Variants in BRINP3 observed in about 807,000 individuals in gnomAD.
BRINP3 encodes the protein BMP/retinoic acid-inducible neural-specific protein 3.
BRINP3 carries 19 observed loss-of-function variants against 71.0 expected under a neutral mutation model. The observed-to-expected ratio is 0.27, with a 90% confidence interval of 0.19 to 0.39. The LOEUF is 0.39. Ranked by LOEUF, BRINP3 falls within the 10% of genes least tolerant of loss-of-function variation. The probability of loss-of-function intolerance (pLI) is 1.00; values close to 1 mark genes in which losing one functional copy is unlikely to be tolerated. For missense variants in BRINP3, 959 were observed against 940.8 expected (o/e 1.02, Z -0.25); for synonymous variants, 380 against 337.7 (o/e 1.13, Z -1.37).
chr1:190,446,193 A>G (rs1675209918), intron 2 of BRINP3, among the ~76,000 whole-genome samples: 1 of 152,126 alleles, frequency 6.6e-6, no homozygotes, highest in Non-Finnish European at 1.5e-5. Context: ...AACAAAAATT[A>G]AAACGTATTA....
chr1:190,345,791 G>C (rs896798567), intron 2 of BRINP3, among the ~76,000 whole-genome samples: 1 of 149,452 alleles, frequency 6.7e-6, no homozygotes, highest in African/African-American at 2.5e-5. Flanking sequence ...ATAGTAAACA[G>C]TGGAAAGACA....
In BRINP3 at chr1:190,360,030, T is replaced by C. The variant is rs1247604521; in HGVS notation, c.237-78280A>G. On this transcript the variant is annotated intron_variant, in intron 2 of 7. Transcript: ENST00000367462. ...AAGACTCACTTCAGGCTATAAAGGATTAAATTTGAAAAAGGCAGTGACACA... is the reference window on the plus strand; with the variant it reads ...AAGACTCACTTCAGGCTATAAAGGACTAAATTTGAAAAAGGCAGTGACACA... 2.0e-5 allele frequency among the ~76,000 whole-genome samples: 3 copies of C among 152,188 alleles called. No homozygotes were observed. In the South Asian group the frequency reaches 6.2e-4, roughly 31 times the overall value.
At chr1:190,357,309 G>T (rs1668797780) in intron 2 of BRINP3, among the ~76,000 whole-genome samples, 1 of 151,956 alleles carries the variant, frequency 6.6e-6, no homozygotes, top group Admixed American at 6.6e-5. Flanking sequence ...GCCTACAAAG[G>T]TTTTGCTTGT....
At chr1:190,148,820 G>A (rs1003786729) in intron 7 of BRINP3, among the ~76,000 whole-genome samples, 2 of 151,830 alleles carry the variant, frequency 1.3e-5, no homozygotes, top group Non-Finnish European at 2.9e-5. Context: ...ATTACTTAAT[G>A]TTTTTTGCAT....
chr1:190,177,329 ATT>A (rs11307442), intron 6 of BRINP3, among the ~76,000 whole-genome samples: 12,715 of 98,904 alleles, frequency 0.13, 773 homozygotes, highest in African/African-American at 0.28. Flanking sequence ...TGCCTGGATA[ATT>A]TTTTTTTTTT....
intron 6 of BRINP3, among the ~76,000 whole-genome samples, chr1:190,179,169 C>A (rs1003148265): frequency 6.6e-6 from 1 of 152,086 alleles, no homozygotes; most frequent in African/African-American, 2.4e-5. Context: ...TTCTGATTGG[C>A]TACATTTTAA....
intron 2 of BRINP3, among the ~76,000 whole-genome samples, chr1:190,434,521 G>A (rs1572035835): frequency 1.3e-5 from 2 of 151,884 alleles, no homozygotes; most frequent in African/African-American, 2.4e-5. Context: ...ATCCCAAAGA[G>A]CTTCTGTCTA....
At chr1:190,425,125 G>C (rs1465244592) in intron 2 of BRINP3, among the ~76,000 whole-genome samples, 8 of 151,562 alleles carry the variant, frequency 5.3e-5, no homozygotes. Context: ...AAATAACAAA[G>C]TTTAAAATAA....
chr1:190,314,968 G>A (rs1665784546), intron 2 of BRINP3, among the ~76,000 whole-genome samples: 1 of 152,012 alleles, frequency 6.6e-6, no homozygotes, highest in East Asian at 1.9e-4. Flanking sequence ...TTTATCAGGG[G>A]GCTAAAATAG....
At position 190,097,953 on chromosome 1, in the gene BRINP3, A is replaced by G; in HGVS notation, c.*65T>C. Reference sequence around the variant, plus strand: ...AATTTAAATTTACTCTTCCAAACATAAACTGTTCCACAAAAGCACTGTAAA... The same window carrying G: ...AATTTAAATTTACTCTTCCAAACATGAACTGTTCCACAAAAGCACTGTAAA... On this transcript the variant is annotated 3_prime_UTR_variant, in exon 8 of 8. Coordinates refer to ENST00000367462, the MANE Select transcript of BRINP3 (RefSeq NM_199051.3). 6.8e-7 allele frequency: 1 copy of G among 1,475,854 alleles called. No individual in the cohort carries two copies. Among genetic ancestry groups the G allele is most frequent in the South Asian group, 1.3e-5 (1 of 74,788 alleles). 91.4% of individuals were successfully genotyped at this position (1,475,854 alleles called of 1,614,324 possible).
intron 2 of BRINP3, among the ~76,000 whole-genome samples, chr1:190,333,404 AT>A (rs1667088730): frequency 6.6e-6 from 1 of 151,860 alleles, no homozygotes; most frequent in African/African-American, 2.4e-5. Flanking sequence ...TCAAATCGTA[AT>A]TTTTTAAGAT....
intron 2 of BRINP3, among the ~76,000 whole-genome samples, chr1:190,429,942 A>G (rs180931559): frequency 1.3e-5 from 2 of 152,286 alleles, no homozygotes; most frequent in Non-Finnish European, 2.9e-5. Flanking sequence ...TTACTAGTAT[A>G]TATTTTTACA....
intron 4 of BRINP3, among the ~76,000 whole-genome samples, chr1:190,263,058 C>T (rs1419607737): frequency 1.3e-5 from 2 of 152,068 alleles, no homozygotes; most frequent in African/African-American, 2.4e-5. Context: ...TTCACAGACA[C>T]ACTTGGTGCT....
chr1:190,414,649 T>TTTTAAAGAGTTGC (rs1384105499), intron 2 of BRINP3, among the ~76,000 whole-genome samples: 3 of 152,194 alleles, frequency 2.0e-5, no homozygotes, highest in Non-Finnish European at 1.5e-5. Context: ...GTCTTTGCTC[T>TTTTAAAGAGTTGC]TTTAAAGAGT....
At chr1:190,441,331 A>T (rs1010888738) in intron 2 of BRINP3, among the ~76,000 whole-genome samples, 1 of 152,066 alleles carries the variant, frequency 6.6e-6, no homozygotes, top group Admixed American at 6.5e-5. Flanking sequence ...CATCCTTGCA[A>T]TAAAACGTGA....
chr1:190,423,001 C>A (rs1353517282), intron 2 of BRINP3, among the ~76,000 whole-genome samples: 1 of 151,686 alleles, frequency 6.6e-6, no homozygotes, highest in Non-Finnish European at 1.5e-5. Flanking sequence ...TAACAGATGT[C>A]CACTTGCAGC....
At chr1:190,274,488 A>G (rs1662379051) in intron 3 of BRINP3, among the ~76,000 whole-genome samples, 2 of 151,580 alleles carry the variant, frequency 1.3e-5, no homozygotes, top group Non-Finnish European at 3.0e-5. Context: ...AAAAAATGCT[A>G]TTTGAGTGAA....
chr1:190,253,287 C>T (rs550781877), intron 4 of BRINP3, among the ~76,000 whole-genome samples: 1 of 152,238 alleles, frequency 6.6e-6, no homozygotes, highest in Admixed American at 6.5e-5. Context: ...TGGGTATATA[C>T]CCAGTAATGG....
chr1:190,255,025 T>A (rs1660522262), intron 4 of BRINP3, among the ~76,000 whole-genome samples: 1 of 149,720 alleles, frequency 6.7e-6, no homozygotes, highest in African/African-American at 2.5e-5. Flanking sequence ...TCAATTGAGA[T>A]AATCATGTGG....
Sources: allele counts gnomAD v4.1 joint callset (sites outside exome capture counted in the v4.1 genomes callset), GRCh38; gene constraint gnomAD v4.1.1; transcripts MANE v1.5; gene names NCBI Gene and HGNC (gene_info 2026-07-23, HGNC 2026-07-21).